Variants in ATP6V0A1 observed in about 807,000 individuals in gnomAD.
ATP6V0A1 encodes the protein V-type proton ATPase 116 kDa subunit a 1.
Under a neutral mutation model 105.4 loss-of-function variants are expected in ATP6V0A1, and 43 were observed. The ratio of observed to expected loss-of-function variants is 0.41; its 90% confidence interval spans 0.32 to 0.53. The LOEUF is 0.53. Among genes scored for constraint, ATP6V0A1 ranks in the 20% least tolerant of loss-of-function variants. The probability of loss-of-function intolerance (pLI) is 0.30; values close to 1 mark genes in which losing one functional copy is unlikely to be tolerated. For synonymous variants in ATP6V0A1, 362 were observed against 372.8 expected, an observed-to-expected ratio of 0.97 and a Z score of 0.33; for missense variants, 676 against 1,051.1, an observed-to-expected ratio of 0.64 and a Z score of 4.93.
intron 5 of ATP6V0A1, among the ~76,000 whole-genome samples, chr17:42,472,028 C>G (rs2088026703): frequency 6.7e-6 from 1 of 149,032 alleles, no homozygotes; most frequent in Non-Finnish European, 1.5e-5. Context: ...GAAAACTTGG[C>G]AAAGCTTTTA....
intron 8 of ATP6V0A1, chr17:42,481,097 ATTC>A (rs2089445478): frequency 6.1e-6 from 1 of 163,370 alleles, no homozygotes; most frequent in African/African-American, 2.4e-5. Flanking sequence ...AATTTTTTGT[ATTC>A]TTTGTAGAGA....
rs184597040 is a variant in ATP6V0A1, at chr17:42,516,372, A to G, written c.2420+1912A>G. ...TCTTCTTCAAAAGCCCTGCTGCGTCAGTAGACCTGGCTTCCTCTGGCCTGG... is the reference window on the plus strand; with the variant it reads ...TCTTCTTCAAAAGCCCTGCTGCGTCGGTAGACCTGGCTTCCTCTGGCCTGG... On this transcript the variant is annotated intron_variant, in intron 21 of 21. Transcript: ENST00000343619. 3.1e-3 allele frequency among the ~76,000 whole-genome samples: 475 copies of G among 152,240 alleles called. 3 individuals carry two copies. Among genetic ancestry groups the G allele is most frequent in the African/African-American group, 0.011 (446 of 41,544 alleles).
chr17:42,500,332 T>TAGCTGGGTG (rs2091565899), intron 15 of ATP6V0A1, among the ~76,000 whole-genome samples: 1 of 152,022 alleles, frequency 6.6e-6, no homozygotes, highest in African/African-American at 2.4e-5. Flanking sequence ...ATGTAAAAAT[T>TAGCTGGGTG]AGCTGGGTGT....
chr17:42,468,982 A>G (rs1266173204), intron 4 of ATP6V0A1, among the ~76,000 whole-genome samples: 3 of 152,106 alleles, frequency 2.0e-5, no homozygotes, highest in East Asian at 1.9e-4. Context: ...AGTAGCTGAG[A>G]CGATAGCTGT....
chr17:42,459,785 T>G (rs2145576097), intron 1 of ATP6V0A1, among the ~76,000 whole-genome samples: 1 of 152,326 alleles, frequency 6.6e-6, no homozygotes, highest in Non-Finnish European at 1.5e-5. Context: ...GTTACTGTCT[T>G]GAACATCACA....
At chr17:42,500,629 T>G in intron 15 of ATP6V0A1, 78 bp from the exon 16 acceptor site, 1 of 1,193,312 alleles carries the variant, frequency 8.4e-7, no homozygotes. Flanking sequence ...AGTAGAAAAA[T>G]CTAGTGAATA....
At chr17:42,469,542 G>A (rs1219535349) in intron 4 of ATP6V0A1, among the ~76,000 whole-genome samples, 2 of 151,548 alleles carry the variant, frequency 1.3e-5, no homozygotes, top group Non-Finnish European at 2.9e-5. Flanking sequence ...GCCATGTTTG[G>A]CCAGGCTGGT....
chr17:42,485,180 C>T (rs1353394478), intron 9 of ATP6V0A1, among the ~76,000 whole-genome samples: 2 of 152,020 alleles, frequency 1.3e-5, no homozygotes, highest in Non-Finnish European at 2.9e-5. Flanking sequence ...TCAGTGACCT[C>T]CATCATATAT....
At chr17:42,459,904 C>G (rs2086210434) in intron 1 of ATP6V0A1, among the ~76,000 whole-genome samples, 1 of 152,166 alleles carries the variant, frequency 6.6e-6, no homozygotes, top group South Asian at 2.1e-4. Flanking sequence ...TATAGATGCC[C>G]TTATGACACT....
intron 8 of ATP6V0A1, among the ~76,000 whole-genome samples, chr17:42,482,375 A>G (rs919289703): frequency 2.6e-5 from 4 of 151,502 alleles, no homozygotes; most frequent in African/African-American, 9.7e-5. Context: ...TTAAACTCCT[A>G]GACTCAAGCA....
intron 14 of ATP6V0A1, chr17:42,496,367 T>G (rs1348479224): frequency 6.6e-6 from 1 of 152,228 alleles, no homozygotes; most frequent in Middle Eastern, 3.2e-3. Context: ...AATATATTTT[T>G]CCTGTGGATT....
intron 5 of ATP6V0A1, among the ~76,000 whole-genome samples, chr17:42,472,670 G>T (rs1051849845): frequency 6.6e-6 from 1 of 152,032 alleles, no homozygotes; most frequent in East Asian, 1.9e-4. Flanking sequence ...GTTGTAGTGA[G>T]CTGAGATCGC....
intron 17 of ATP6V0A1, among the ~76,000 whole-genome samples, chr17:42,506,241 T>G (rs934042764): frequency 6.6e-6 from 1 of 152,206 alleles, no homozygotes; most frequent in Non-Finnish European, 1.5e-5. Context: ...AAATACAGAT[T>G]TATTGGGCCC....
chr17:42,461,672 G>A (rs531330686), intron 2 of ATP6V0A1, among the ~76,000 whole-genome samples: 2 of 152,242 alleles, frequency 1.3e-5, no homozygotes, highest in African/African-American at 4.8e-5. Flanking sequence ...TCGGGAGGCC[G>A]AGGCAGGAGA....
chr17:42,482,428 T>C (rs2089630319), intron 8 of ATP6V0A1, among the ~76,000 whole-genome samples: 1 of 152,114 alleles, frequency 6.6e-6, no homozygotes, highest in Admixed American at 6.6e-5. Flanking sequence ...ATTACAGGCG[T>C]GAGCCACTGC....
chr17:42,460,874 A>G lies in ATP6V0A1; in HGVS notation c.-21A>G. On this transcript the variant is annotated 5_prime_UTR_variant, in exon 2 of 22. Transcript: ENST00000343619. ...TTGGAGAGAAATCCAGGTACTCACTAGACTGGTACCTTCTGCCACCATGGG... is the reference window on the plus strand; with the variant it reads ...TTGGAGAGAAATCCAGGTACTCACTGGACTGGTACCTTCTGCCACCATGGG... 1 of 1,571,914 alleles carries G rather than the reference A, an allele frequency of 6.4e-7. No homozygotes were observed. The highest frequency in any genetic ancestry group is 8.8e-7 in the Non-Finnish European group (1 of 1,141,650).
At chr17:42,479,541 A>G (rs116701506) in intron 7 of ATP6V0A1, among the ~76,000 whole-genome samples, 65 of 152,358 alleles carry the variant, frequency 4.3e-4, no homozygotes, top group African/African-American at 1.5e-3. Flanking sequence ...TTGTACTAGT[A>G]TTATTTAGAA....
At chr17:42,509,380 C>T (rs1207791115) in intron 19 of ATP6V0A1, among the ~76,000 whole-genome samples, 1 of 152,166 alleles carries the variant, frequency 6.6e-6, no homozygotes, top group Non-Finnish European at 1.5e-5. Flanking sequence ...TTTGCATCTT[C>T]CCCCAGCACT....
chr17:42,521,162 T>A lies in ATP6V0A1; in HGVS notation c.*42T>A, dbSNP rs1358795984. On this transcript the variant is annotated 3_prime_UTR_variant, in exon 22 of 22. Transcript: ENST00000343619. The surrounding 1 kb of genome is among the most constrained non-coding windows in gnomAD (Gnocchi z 4.8). Reference sequence around the variant, plus strand: ...TGTGCCCCATGCTACCCTCCCCGCCTCCCTCCACAGTGATCAGCTGTGCCT... The same window carrying A: ...TGTGCCCCATGCTACCCTCCCCGCCACCCTCCACAGTGATCAGCTGTGCCT... 3 of 1,520,866 alleles carry A rather than the reference T, an allele frequency of 2.0e-6. No homozygotes were observed. The highest frequency in any genetic ancestry group is 2.7e-6 in the Non-Finnish European group (3 of 1,114,720). The allele number at this position is 1,520,866 out of a possible 1,614,324, so 94.2% of individuals were successfully genotyped here.
Sources: allele counts gnomAD v4.1 joint callset (sites outside exome capture counted in the v4.1 genomes callset), GRCh38; gene constraint gnomAD v4.1.1; non-coding constraint Gnocchi (gnomAD v3.1); transcripts MANE v1.5; gene names NCBI Gene and HGNC (gene_info 2026-07-23, HGNC 2026-07-21).